Variants in ADIPOR2 observed in about 807,000 individuals in gnomAD.
ADIPOR2 encodes the protein adiponectin receptor protein 2.
ADIPOR2 carries 18 observed loss-of-function variants against 40.9 expected under a neutral mutation model. That is an observed-to-expected ratio of 0.44 (90% confidence interval 0.30 to 0.65). The LOEUF (loss-of-function observed/expected upper bound fraction) is 0.65, where lower values mean the gene tolerates loss of function less well. ADIPOR2 is among the 30% of genes least tolerant of loss of function. The pLI, the probability that ADIPOR2 is intolerant of heterozygous loss-of-function variation, is 0.09. For missense variants in ADIPOR2, 283 were observed against 479.2 expected, an observed-to-expected ratio of 0.59 and a Z score of 3.82; for synonymous variants, 165 against 166.4, an observed-to-expected ratio of 0.99 and a Z score of 0.06.
At chr12:1,724,931 A>G (rs1191835493) in intron 1 of ADIPOR2, among the ~76,000 whole-genome samples, 3 of 152,134 alleles carry the variant, frequency 2.0e-5, no homozygotes, top group Non-Finnish European at 2.9e-5. Flanking sequence ...TGACTGAACA[A>G]CTGTTAGGTA....
At chr12:1,760,053 C>CA (rs1318662636) in intron 2 of ADIPOR2, among the ~76,000 whole-genome samples, 3 of 149,962 alleles carry the variant, frequency 2.0e-5, no homozygotes, top group East Asian at 1.9e-4. Context: ...CAAAACAAAA[C>CA]AAAAAAAACA....
At chr12:1,693,727 C>T (rs542916151) in intron 1 of ADIPOR2, among the ~76,000 whole-genome samples, 9 of 151,812 alleles carry the variant, frequency 5.9e-5, no homozygotes, top group Admixed American at 2.6e-4. Flanking sequence ...TTAGTAGAGA[C>T]GGGGTTTCAC....
intron 2 of ADIPOR2, chr12:1,757,903 T>C: frequency 1.2e-6 from 1 of 836,440 alleles, no homozygotes. Flanking sequence ...TCTCTCAACT[T>C]GTGGGGACTA....
chr12:1,702,082 A>G (rs1592571130), intron 1 of ADIPOR2, among the ~76,000 whole-genome samples: 1 of 152,170 alleles, frequency 6.6e-6, no homozygotes, highest in East Asian at 1.9e-4. Context: ...AGATCACGCC[A>G]TTGCACTCCA....
intron 1 of ADIPOR2, among the ~76,000 whole-genome samples, chr12:1,745,947 C>T (rs187071876): frequency 2.4e-4 from 36 of 152,058 alleles, no homozygotes; most frequent in Admixed American, 2.1e-3. Context: ...ATCCCTTGTA[C>T]CTGTAGTCCA....
intron 1 of ADIPOR2, among the ~76,000 whole-genome samples, chr12:1,746,021 T>C (rs2094754222): frequency 6.6e-6 from 1 of 152,200 alleles, no homozygotes; most frequent in African/African-American, 2.4e-5. Flanking sequence ...TTGTTTTCAC[T>C]TACCCAGTTT....
At position 1,718,881 on chromosome 12, in the gene ADIPOR2, G is replaced by GT. The variant is rs2094692622; in HGVS notation, c.-87+27691dup. Among the ~76,000 whole-genome samples, 5 of 152,250 alleles carry GT rather than the reference G, an allele frequency of 3.3e-5. No individual in the cohort carries two copies. The South Asian group carries it at 1.0e-3, about 32-fold the overall frequency. ...TCCTTGTGATTTTATTTAAAGGTTG[G>GT]TCTACTTAATGCTGGGGGAAAAAAG... On this transcript the variant is annotated intron_variant, in intron 1 of 7. Transcript: ENST00000357103.
rs765296954 is a variant in ADIPOR2, at chr12:1,778,006, C to T, written c.444C>T (p.Asn148=). The part of the protein sequence containing the change: ...SIFRIHTETG[N]IWTHLLGCVF... The stretch of plus-strand genomic sequence containing the variant: ...TCAGAATACACACAGAAACAGGCAA[C>T]ATTTGGACACATCTCTTAGGTATGT... The change falls in exon 4 of 8, where the codon AAC becomes AAT. Residue 148 remains asparagine (N), a synonymous_variant. Coordinates refer to ENST00000357103, the MANE Select transcript of ADIPOR2 (RefSeq NM_024551.3). 3.7e-6 allele frequency: 6 copies of T among 1,613,716 alleles called. No homozygotes were observed. The Admixed American group carries it at 5.0e-5, about 13-fold the overall frequency.
rs542569124 is a variant in ADIPOR2 at position 1,788,448 on chromosome 12, C to T, written c.*2376C>T. 1 of 152,678 alleles carries T rather than the reference C, an allele frequency of 6.5e-6. No individual in the cohort carries two copies. Among genetic ancestry groups the T allele is most frequent in the Admixed American group, 6.5e-5 (1 of 15,292 alleles). 9.5% of individuals were successfully genotyped at this position (152,678 alleles called of 1,614,324 possible). A position where few individuals can be genotyped will look rare whatever the true frequency, so the allele number is the denominator to read the frequency against. The stretch of plus-strand genomic sequence containing the variant: ...CAGATTTTTAATTTTCTTTTTTGGC[C>T]CTAGGCTGGTTGGGACCTCTACAGC... On this transcript the variant is annotated 3_prime_UTR_variant, in exon 8 of 8. Transcript: ENST00000357103.
At chr12:1,722,001 G>A (rs998203028) in intron 1 of ADIPOR2, among the ~76,000 whole-genome samples, 2 of 152,078 alleles carry the variant, frequency 1.3e-5, no homozygotes, top group African/African-American at 2.4e-5. Flanking sequence ...GTAAACGAAA[G>A]CCAGTGGAGG....
chr12:1,753,191 C>T (rs1161741106), intron 1 of ADIPOR2, among the ~76,000 whole-genome samples: 1 of 152,140 alleles, frequency 6.6e-6, no homozygotes, highest in African/African-American at 2.4e-5. Flanking sequence ...AACCTTGAAC[C>T]TCATGGAATT....
chr12:1,744,261 C>T (rs554973826), intron 1 of ADIPOR2, among the ~76,000 whole-genome samples: 11 of 152,070 alleles, frequency 7.2e-5, no homozygotes, highest in Non-Finnish European at 1.5e-4. Flanking sequence ...GCCGCCACCA[C>T]ACCTGGCTGA....
intron 6 of ADIPOR2, among the ~76,000 whole-genome samples, chr12:1,782,700 A>G (rs759476428): frequency 1.3e-5 from 2 of 152,152 alleles, no homozygotes; most frequent in Non-Finnish European, 2.9e-5. Flanking sequence ...CATTTAATTG[A>G]TCTTAGAACT....
At chr12:1,726,512 T>A (rs370418369) in intron 1 of ADIPOR2, among the ~76,000 whole-genome samples, 106 of 152,324 alleles carry the variant, frequency 7.0e-4, no homozygotes, top group African/African-American at 2.5e-3. Flanking sequence ...TGGGATTTTT[T>A]AATTTTCCAT....
intron 2 of ADIPOR2, among the ~76,000 whole-genome samples, chr12:1,765,741 T>C (rs1451198850): frequency 6.6e-6 from 1 of 152,126 alleles, no homozygotes; most frequent in African/African-American, 2.4e-5. Context: ...TTCCCCCTTT[T>C]TTCTTCTATA....
At chr12:1,763,790 A>G (rs1021210478) in intron 2 of ADIPOR2, among the ~76,000 whole-genome samples, 44 of 152,042 alleles carry the variant, frequency 2.9e-4, no homozygotes, top group African/African-American at 1.0e-3. Flanking sequence ...ACCAGCCTGG[A>G]CAACATAGCG....
intron 1 of ADIPOR2, among the ~76,000 whole-genome samples, chr12:1,729,617 GT>G (rs56921758): frequency 0.013 from 1,115 of 88,930 alleles, 1 homozygote; most frequent in African/African-American, 0.033. Context: ...TCAGCCAGTT[GT>G]TTTTTTTTTT....
intron 5 of ADIPOR2, 30 bp downstream of exon 5, chr12:1,780,667 C>T: frequency 6.6e-7 from 1 of 1,519,478 alleles, no homozygotes; most frequent in Non-Finnish European, 8.8e-7. Flanking sequence ...GTATTTTGGC[C>T]AATGATTTAG....
chr12:1,730,227 T>G (rs977382699), intron 1 of ADIPOR2, among the ~76,000 whole-genome samples: 10 of 152,130 alleles, frequency 6.6e-5, no homozygotes, highest in Non-Finnish European at 1.2e-4. Context: ...TTAAAGTTTT[T>G]TTTTTTTTTT....
Sources: gnomAD v4.1 joint callset for allele counts (sites outside exome capture counted in the v4.1 genomes callset) on GRCh38, gnomAD v4.1.1 for gene constraint, MANE v1.5 for transcripts, NCBI Gene and HGNC (gene_info 2026-07-23, HGNC 2026-07-21) for gene names.